DMRT1: variants seen among roughly 807,000 people sequenced by gnomAD.
DMRT1 encodes the protein doublesex- and mab-3-related transcription factor 1.
Under a neutral mutation model 32.3 loss-of-function variants are expected in DMRT1, and 7 were observed. The ratio of observed to expected loss-of-function variants is 0.22; its 90% CI spans 0.12 to 0.41. The LOEUF is 0.41. Among genes scored for constraint, DMRT1 ranks in the 10% least tolerant of loss-of-function variants. The probability of loss-of-function intolerance (pLI) is 1.00; values close to 1 mark genes in which losing one functional copy is unlikely to be tolerated. For missense variants in DMRT1, 625 were observed against 500.5 expected (o/e 1.25, Z -2.37); for synonymous variants, 278 against 206.1 (o/e 1.35, Z -2.99).
chr9:896,810 C>T (rs1445726631), intron 3 of DMRT1, among the ~76,000 whole-genome samples: 2 of 151,690 alleles, frequency 1.3e-5, no homozygotes, highest in Admixed American at 6.6e-5. Context: ...GAGACTCTGT[C>T]TCAAAAGAAA....
rs180693562 is a variant in DMRT1, at chr9:948,380, A to G, written c.968-19605A>G. Among the ~76,000 whole-genome samples, 209 of 152,278 alleles carry G rather than the reference A, an allele frequency of 1.4e-3. 2 individuals carry two copies. In the South Asian group the frequency reaches 0.015, roughly 11 times the overall value. On this transcript the variant is annotated intron_variant, in intron 4 of 4. Coordinates refer to ENST00000382276, the MANE Select transcript of DMRT1 (RefSeq NM_021951.3). ...TCCTCTCCTCTCCACAGGGACATGA[A>G]CTACTGGGAAAAACGAGATTTCTTG... is the stretch of plus-strand genomic sequence containing the variant.
chr9:952,234 T>C (rs1819450255), intron 4 of DMRT1, among the ~76,000 whole-genome samples: 1 of 152,212 alleles, frequency 6.6e-6, no homozygotes, highest in African/African-American at 2.4e-5. Flanking sequence ...GTAAATGTTC[T>C]GTGAATTACG....
rs765017135 is a variant in DMRT1 at position 894,124 on chromosome 9, T to G, written c.751T>G (p.Ser251Ala). 1 of 1,614,234 alleles carries G rather than the reference T, an allele frequency of 6.2e-7. No homozygotes were observed. The highest frequency in any genetic ancestry group is 1.1e-5 in the South Asian group (1 of 91,084). The change falls in exon 3 of 5, where the codon TCC becomes GCC. Residue 251 changes from serine to alanine, a missense_variant. Coordinates refer to ENST00000382276, the MANE Select transcript of DMRT1 (RefSeq NM_021951.3). ...GGAGGTGGGAAATCCCCTCGGGGGATCCCCTGTGAAGAACAGCCTTCGGGG... is the reference window on the plus strand; with the variant it reads ...GGAGGTGGGAAATCCCCTCGGGGGAGCCCCTGTGAAGAACAGCCTTCGGGG... The part of the protein sequence containing the change: ...SGEVGNPLGG[S>A]PVKNSLRGLP...
In DMRT1 at chr9:841,825, C is replaced by T. The variant is rs3739584; in HGVS notation, c.-14C>T. The stretch of plus-strand genomic sequence containing the variant: ...AGAGGGGGCCAGAGTGCTCGCACTT[C>T]TCCTAGGGGCACCATGCCCAACGAC... On this transcript the variant is annotated 5_prime_UTR_variant, in exon 1 of 5. Transcript: ENST00000382276. The T allele has an allele frequency of 0.15, 247,284 of 1,603,638 alleles. 22,782 individuals are homozygous for T. The highest frequency in any genetic ancestry group is 0.47 in the East Asian group (21,061 of 44,446).
At chr9:875,476 G>C (rs889704848) in intron 2 of DMRT1, among the ~76,000 whole-genome samples, 1 of 152,176 alleles carries the variant, frequency 6.6e-6, no homozygotes, top group Non-Finnish European at 1.5e-5. Context: ...TGATACTTGA[G>C]AGGTATCAAG....
chr9:877,491 T>G (rs573846619), intron 2 of DMRT1, among the ~76,000 whole-genome samples: 21 of 152,334 alleles, frequency 1.4e-4, no homozygotes, highest in African/African-American at 4.8e-4. Flanking sequence ...GCAAGCTAAA[T>G]GTAAAGCTGC....
chr9:901,419 C>T (rs1040939242), intron 3 of DMRT1, among the ~76,000 whole-genome samples: 14 of 151,908 alleles, frequency 9.2e-5, no homozygotes, highest in Admixed American at 2.6e-4. Flanking sequence ...CTCTGCCTCC[C>T]GGGTTCAAGC....
chr9:854,711 C>A (rs1233813316), intron 2 of DMRT1, among the ~76,000 whole-genome samples: 1 of 150,536 alleles, frequency 6.6e-6, no homozygotes, highest in Non-Finnish European at 1.5e-5. Context: ...CAGATAAAAA[C>A]ATTCCCAAAT....
chr9:916,797 C>G lies in DMRT1; in HGVS notation c.857C>G (p.Ser286Cys). 1.9e-6 allele frequency: 3 copies of G among 1,614,196 alleles called. No individual in the cohort carries two copies. Among genetic ancestry groups the G allele is most frequent in the Non-Finnish European group, 2.5e-6 (3 of 1,180,040 alleles). The change falls in exon 4 of 5, where the codon TCC becomes TGC. Residue 286 changes from serine to cysteine, a missense_variant. Physicochemically the swap from Ser to Cys is moderately radical, Grantham distance 112 (BLOSUM62 -1). Coordinates refer to ENST00000382276, the MANE Select transcript of DMRT1 (RefSeq NM_021951.3). ...ATGGAGAACCGCCATGCAATGAGCTCCCAGTACAGGATGCATTCTTACTAC... is the reference window on the plus strand; with the variant it reads ...ATGGAGAACCGCCATGCAATGAGCTGCCAGTACAGGATGCATTCTTACTAC... ...KNMENRHAMS[S>C]QYRMHSYYPP...
At chr9:925,687 C>T (rs547625106) in intron 4 of DMRT1, among the ~76,000 whole-genome samples, 5 of 152,306 alleles carry the variant, frequency 3.3e-5, no homozygotes, top group Non-Finnish European at 7.3e-5. Context: ...TACAAACACA[C>T]GTGCAGCTCC....
intron 1 of DMRT1, among the ~76,000 whole-genome samples, chr9:846,669 C>T (rs904602279): frequency 6.6e-6 from 1 of 152,218 alleles, no homozygotes; most frequent in Non-Finnish European, 1.5e-5. Context: ...TAGCCTCAAA[C>T]TCCTGGGCTT....
rs545797671 is a variant in DMRT1 at position 858,144 on chromosome 9, C to T, written c.538+11001C>T. On this transcript the variant is annotated intron_variant, in intron 2 of 4. Coordinates refer to ENST00000382276, the MANE Select transcript of DMRT1 (RefSeq NM_021951.3). ...CTAAAATTGGAAAACCACTGTCACT[C>T]TTCTGGGGAGTGAAAGAGAAAACCC... Among the ~76,000 whole-genome samples, 65 of 152,284 alleles carry T rather than the reference C, an allele frequency of 4.3e-4. 1 individual carries two copies. In the South Asian group the frequency reaches 0.013, roughly 31 times the overall value.
intron 4 of DMRT1, among the ~76,000 whole-genome samples, chr9:956,011 G>A (rs187932930): frequency 1.3e-5 from 2 of 152,326 alleles, no homozygotes; most frequent in East Asian, 3.9e-4. Flanking sequence ...TTCAAAGGTG[G>A]ATGCAACGCA....
intron 2 of DMRT1, among the ~76,000 whole-genome samples, chr9:861,925 C>T (rs919111325): frequency 1.3e-5 from 2 of 149,076 alleles, no homozygotes; most frequent in East Asian, 2.0e-4. Context: ...CAGAGGCGCT[C>T]CCAACATCCC....
intron 2 of DMRT1, among the ~76,000 whole-genome samples, chr9:859,853 T>A (rs1003981120): frequency 7.3e-6 from 1 of 137,650 alleles, no homozygotes; most frequent in Non-Finnish European, 1.5e-5. Context: ...GATTTTCTGA[T>A]GTTTATTGGC....
At chr9:890,849 G>T (rs1388361822) in intron 2 of DMRT1, among the ~76,000 whole-genome samples, 4 of 152,048 alleles carry the variant, frequency 2.6e-5, no homozygotes, top group African/African-American at 9.7e-5. Context: ...GCAGTAGCTG[G>T]GTCTACAGGT....
At chr9:967,467 C>T (rs957685853) in intron 4 of DMRT1, among the ~76,000 whole-genome samples, 6 of 152,130 alleles carry the variant, frequency 3.9e-5, no homozygotes, top group Non-Finnish European at 8.8e-5. Context: ...CATCCCTTTC[C>T]CCCGTCTTTG....
intron 3 of DMRT1, among the ~76,000 whole-genome samples, chr9:915,849 C>T (rs1290528840): frequency 6.6e-6 from 1 of 152,080 alleles, no homozygotes; most frequent in Non-Finnish European, 1.5e-5. Flanking sequence ...TCTCCTGCCT[C>T]AGCCTCCCAA....
chr9:847,565 G>C (rs757034212), intron 2 of DMRT1, among the ~76,000 whole-genome samples: 2 of 152,210 alleles, frequency 1.3e-5, no homozygotes, highest in Admixed American at 6.5e-5. Context: ...ATTTGAATGA[G>C]CGGGAAGTAA....
Sources: allele counts gnomAD v4.1 joint callset (sites outside exome capture counted in the v4.1 genomes callset), GRCh38; gene constraint gnomAD v4.1.1; transcripts MANE v1.5; gene names NCBI Gene and HGNC (gene_info 2026-07-23, HGNC 2026-07-21).